Variants in DGKB observed in about 807,000 individuals in gnomAD.
DGKB encodes the protein diacylglycerol kinase beta.
In DGKB, 67 loss-of-function variants were observed where a neutral mutation model predicts 114.3. The ratio of observed to expected loss-of-function variants is 0.59; its 90% CI spans 0.48 to 0.72. The LOEUF (loss-of-function observed/expected upper bound fraction) is 0.72. DGKB is among the 30% of genes least tolerant of loss of function. The pLI is 0.00. For synonymous variants in DGKB, 398 were observed against 323.1 expected (o/e 1.23, Z -2.49); for missense variants, 907 against 975.2 (o/e 0.93, Z 0.93).
chr7:14,900,226 G>A (rs914683310), intron 1 of DGKB, among the ~76,000 whole-genome samples: 2 of 152,146 alleles, frequency 1.3e-5, no homozygotes, highest in East Asian at 1.9e-4. Flanking sequence ...CATAACATAT[G>A]TGACTCACTT....
chr7:14,161,421 C>A (rs932209833), intron 25 of DGKB, among the ~76,000 whole-genome samples: 1 of 152,092 alleles, frequency 6.6e-6, no homozygotes, highest in Non-Finnish European at 1.5e-5. Context: ...CACACATGCC[C>A]GTCAATGATA....
chr7:14,313,667 T>C (rs1241948733), intron 23 of DGKB, among the ~76,000 whole-genome samples: 1 of 151,666 alleles, frequency 6.6e-6, no homozygotes, highest in Non-Finnish European at 1.5e-5. Flanking sequence ...AGCACAGCAG[T>C]CTGAGATCAA....
At chr7:14,708,489 G>A (rs79080345) in intron 6 of DGKB, among the ~76,000 whole-genome samples, 141,728 of 149,326 alleles carry the variant, frequency 0.95, 67,376 homozygotes, top group East Asian at 1. Flanking sequence ...GGAACCAAAA[G>A]AGAGACGGCA....
intron 23 of DGKB, among the ~76,000 whole-genome samples, chr7:14,188,072 G>T (rs557092924): frequency 6.6e-6 from 1 of 152,042 alleles, no homozygotes; most frequent in South Asian, 2.1e-4. Context: ...ATACATAACT[G>T]ACAGCTTCAA....
At chr7:14,759,554 C>G (rs905927504) in intron 2 of DGKB, among the ~76,000 whole-genome samples, 2 of 152,052 alleles carry the variant, frequency 1.3e-5, no homozygotes, top group Non-Finnish European at 2.9e-5. Context: ...TTAGTGTTTT[C>G]AAGGTTTTTC....
intron 21 of DGKB, among the ~76,000 whole-genome samples, chr7:14,358,100 G>T (rs895530681): frequency 3.9e-5 from 6 of 152,108 alleles, no homozygotes; most frequent in Non-Finnish European, 8.8e-5. Flanking sequence ...GAGTATCTTT[G>T]TGGTGGTCTC....
In DGKB at chr7:14,570,409, C is replaced by G. The variant is rs75304872; in HGVS notation, c.1770+3803G>C. Among the ~76,000 whole-genome samples, 518 of 152,082 alleles carry G rather than the reference C, an allele frequency of 3.4e-3. 4 individuals are homozygous for G. The highest frequency in any genetic ancestry group is 0.012 in the African/African-American group (502 of 41,504). ...TATTTAAATACAATTGACCCCTGAA[C>G]AACATGGGAGTTAGGGGTGCTGACC... is the stretch of plus-strand genomic sequence containing the variant. On this transcript the variant is annotated intron_variant, in intron 20 of 25. Transcript: ENST00000402815.
chr7:14,327,264 T>A (rs1808908956), intron 23 of DGKB, among the ~76,000 whole-genome samples: 1 of 151,804 alleles, frequency 6.6e-6, no homozygotes, highest in East Asian at 1.9e-4. Context: ...TTTACAAAGA[T>A]AACATATATA....
chr7:14,469,602 G>A (rs1780975338), intron 21 of DGKB, among the ~76,000 whole-genome samples: 1 of 151,904 alleles, frequency 6.6e-6, no homozygotes, highest in South Asian at 2.1e-4. Flanking sequence ...TTTATTAATG[G>A]TGCCAAGAAA....
intron 2 of DGKB, among the ~76,000 whole-genome samples, chr7:14,839,163 G>A (rs900309738): frequency 6.6e-6 from 1 of 151,886 alleles, no homozygotes; most frequent in Non-Finnish European, 1.5e-5. Flanking sequence ...CTTGAATGGA[G>A]GACACATATC....
intron 20 of DGKB, among the ~76,000 whole-genome samples, chr7:14,500,492 A>C (rs920494334): frequency 2.6e-5 from 4 of 151,316 alleles, no homozygotes; most frequent in African/African-American, 7.3e-5. Flanking sequence ...TTTTGCTATC[A>C]TCTTTCCTAA....
chr7:14,657,602 G>A (rs1816120290), intron 13 of DGKB, among the ~76,000 whole-genome samples: 1 of 151,760 alleles, frequency 6.6e-6, no homozygotes, highest in South Asian at 2.1e-4. Context: ...AGGTTAAAGA[G>A]GTAAATTTAA....
At chr7:14,396,662 GA>G (rs1269362734) in intron 21 of DGKB, among the ~76,000 whole-genome samples, 1 of 152,122 alleles carries the variant, frequency 6.6e-6, no homozygotes, top group African/African-American at 2.4e-5. Flanking sequence ...TATTTAAACA[GA>G]ACCAGTATTT....
intron 23 of DGKB, among the ~76,000 whole-genome samples, chr7:14,326,289 T>G (rs1808710670): frequency 6.6e-6 from 1 of 151,924 alleles, no homozygotes; most frequent in African/African-American, 2.4e-5. Flanking sequence ...AATTTGCTCT[T>G]TTTTTTTCCT....
chr7:14,855,881 C>T (rs970709246), intron 1 of DGKB, among the ~76,000 whole-genome samples: 9 of 151,748 alleles, frequency 5.9e-5, no homozygotes, highest in East Asian at 5.8e-4. Flanking sequence ...ATAATAGAAA[C>T]ATAAAACTTT....
intron 20 of DGKB, among the ~76,000 whole-genome samples, chr7:14,558,932 G>A (rs918093238): frequency 6.6e-6 from 1 of 152,184 alleles, no homozygotes; most frequent in African/African-American, 2.4e-5. Flanking sequence ...GCTCCCAGCT[G>A]CCCCTGGTCT....
chr7:14,541,612 A>C (rs1225162650), intron 20 of DGKB, among the ~76,000 whole-genome samples: 1 of 152,242 alleles, frequency 6.6e-6, no homozygotes, highest in African/African-American at 2.4e-5. Context: ...AGAGAACCAC[A>C]TAGAAGCAAC....
chr7:14,415,541 A>G (rs1276543025), intron 21 of DGKB, among the ~76,000 whole-genome samples: 1 of 150,936 alleles, frequency 6.6e-6, no homozygotes, highest in Admixed American at 6.6e-5. Flanking sequence ...TGTTCTTGCG[A>G]TAGTTTGCTG....
At chr7:14,279,206 TC>T (rs1562820007) in intron 23 of DGKB, among the ~76,000 whole-genome samples, 1 of 150,156 alleles carries the variant, frequency 6.7e-6, no homozygotes, top group South Asian at 2.1e-4. Context: ...CGAGATTATA[TC>T]CCGCACGTGG....
Sources: allele counts gnomAD v4.1 joint callset (sites outside exome capture counted in the v4.1 genomes callset), GRCh38; gene constraint gnomAD v4.1.1; transcripts MANE v1.5; gene names NCBI Gene and HGNC (gene_info 2026-07-23, HGNC 2026-07-21).